Variants in MACROD2 observed in about 807,000 individuals in gnomAD.
MACROD2 encodes the protein mono-ADP ribosylhydrolase 2.
In MACROD2, 36 loss-of-function variants were observed where a neutral mutation model predicts 70.4. That is an observed-to-expected ratio of 0.51 (90% CI 0.39 to 0.68). The LOEUF is 0.68. MACROD2 is among the 30% of genes least tolerant of loss of function. The pLI is 0.00. For synonymous variants in MACROD2, 172 were observed against 178.8 expected (o/e 0.96, Z 0.30); for missense variants, 496 against 538.4 (o/e 0.92, Z 0.78).
intron 4 of MACROD2, among the ~76,000 whole-genome samples, chr20:14,669,878 C>A (rs1439347350): frequency 6.6e-6 from 1 of 151,848 alleles, no homozygotes; most frequent in Non-Finnish European, 1.5e-5. Context: ...TACTTAAGGT[C>A]AAAATTTCCA....
At chr20:14,050,561 C>A (rs6079272) in intron 2 of MACROD2, among the ~76,000 whole-genome samples, 17,033 of 152,080 alleles carry the variant, frequency 0.11, 1,126 homozygotes, top group Admixed American at 0.18. Flanking sequence ...GAACACTATT[C>A]ACAAATTTGG....
rs115841378 is a variant in MACROD2 at position 15,852,375 on chromosome 20, A to G, written c.646-10370A>G. Among the ~76,000 whole-genome samples, 1,126 of 152,324 alleles carry G rather than the reference A, an allele frequency of 7.4e-3. 14 individuals are homozygous for G. Among genetic ancestry groups the G allele is most frequent in the African/African-American group, 0.025 (1,052 of 41,570 alleles). On this transcript the variant is annotated intron_variant, in intron 8 of 17. Transcript: ENST00000684519. ...ACTGGCTTTGCAAAAAAGCCCCCCA[A>G]AATAAAGGATCCTTTTTATGCCCAT... is the stretch of plus-strand genomic sequence containing the variant.
intron 8 of MACROD2, among the ~76,000 whole-genome samples, chr20:15,547,864 C>T (rs764981677): frequency 6.6e-6 from 1 of 152,130 alleles, no homozygotes; most frequent in African/African-American, 2.4e-5. Context: ...GCCTATTAAG[C>T]GATCTTCATC....
intron 10 of MACROD2, among the ~76,000 whole-genome samples, chr20:15,931,720 G>T (rs911615880): frequency 1.3e-5 from 2 of 151,490 alleles, no homozygotes; most frequent in East Asian, 3.9e-4. Flanking sequence ...AGGGGGTCCT[G>T]TACGTATATT....
At chr20:14,424,192 TTAAC>T (rs2083909561) in intron 3 of MACROD2, among the ~76,000 whole-genome samples, 1 of 152,206 alleles carries the variant, frequency 6.6e-6, no homozygotes, top group Non-Finnish European at 1.5e-5. Flanking sequence ...TGGTGCTACT[TTAAC>T]TGTGAATTTA....
intron 5 of MACROD2, among the ~76,000 whole-genome samples, chr20:14,864,570 T>C (rs1187673439): frequency 6.6e-6 from 1 of 152,150 alleles, no homozygotes; most frequent in Non-Finnish European, 1.5e-5. Context: ...TAACTAATAC[T>C]GTGCGAACAA....
At chr20:14,390,939 G>C (rs945123057) in intron 3 of MACROD2, among the ~76,000 whole-genome samples, 2 of 152,168 alleles carry the variant, frequency 1.3e-5, no homozygotes, top group African/African-American at 4.8e-5. Flanking sequence ...TCTCACACCA[G>C]TCAGAATGGC....
intron 5 of MACROD2, among the ~76,000 whole-genome samples, chr20:15,195,466 C>G (rs1288576474): frequency 1.3e-5 from 2 of 151,566 alleles, no homozygotes; most frequent in Non-Finnish European, 2.9e-5. Context: ...TTGCAGCCAA[C>G]AAACATGAAA....
At position 14,763,537 on chromosome 20, in the gene MACROD2, C is replaced by T. The variant is rs2072044468; in HGVS notation, c.418+78578C>T. Among the ~76,000 whole-genome samples, 4 of 152,002 alleles carry T rather than the reference C, an allele frequency of 2.6e-5. No homozygotes were observed. In the South Asian group the frequency reaches 8.3e-4, roughly 32 times the overall value. On this transcript the variant is annotated intron_variant, in intron 5 of 17. Coordinates refer to ENST00000684519, the MANE Select transcript of MACROD2 (RefSeq NM_001351661.2). Reference sequence around the variant, plus strand: ...GGTGAAAAGTGATGGAAATCTGTATCAAGGAGGTGGCAATATGACTGACAG... The same window carrying T: ...GGTGAAAAGTGATGGAAATCTGTATTAAGGAGGTGGCAATATGACTGACAG...
At chr20:15,087,021 T>G (rs544266270) in intron 5 of MACROD2, among the ~76,000 whole-genome samples, 2 of 152,258 alleles carry the variant, frequency 1.3e-5, no homozygotes, top group East Asian at 3.9e-4. Flanking sequence ...ATTTTTACTC[T>G]TTGATACCAT....
intron 5 of MACROD2, among the ~76,000 whole-genome samples, chr20:15,083,785 C>T (rs1297874783): frequency 6.6e-6 from 1 of 152,084 alleles, no homozygotes; most frequent in Non-Finnish European, 1.5e-5. Flanking sequence ...AGAGGAGAGG[C>T]ATCACTGTCT....
chr20:16,005,749 G>A (rs572351544), intron 15 of MACROD2, among the ~76,000 whole-genome samples: 1 of 152,290 alleles, frequency 6.6e-6, no homozygotes, highest in South Asian at 2.1e-4. Context: ...AAGCACAGTT[G>A]TTGTTGCCTA....
intron 4 of MACROD2, among the ~76,000 whole-genome samples, chr20:14,666,268 T>G (rs1361673763): frequency 2.6e-5 from 4 of 152,168 alleles, no homozygotes; most frequent in African/African-American, 9.6e-5. Context: ...TCTCCAGATA[T>G]TTATGATACA....
intron 8 of MACROD2, among the ~76,000 whole-genome samples, chr20:15,626,891 A>G (rs1252251522): frequency 1.3e-5 from 2 of 151,736 alleles, no homozygotes; most frequent in Non-Finnish European, 2.9e-5. Context: ...TGACTGTAAT[A>G]TGTGGATAGT....
intron 4 of MACROD2, among the ~76,000 whole-genome samples, chr20:14,577,556 G>A (rs900216334): frequency 1.3e-5 from 2 of 152,046 alleles, no homozygotes; most frequent in African/African-American, 2.4e-5. Context: ...AGGTGGGAGC[G>A]ATTGTTTGAG....
At chr20:14,801,488 T>C (rs1450479546) in intron 5 of MACROD2, among the ~76,000 whole-genome samples, 2 of 152,168 alleles carry the variant, frequency 1.3e-5, no homozygotes, top group African/African-American at 4.8e-5. Context: ...TAAGACCTTC[T>C]TCTGTAATCT....
chr20:15,702,481 G>C (rs2050474452), intron 8 of MACROD2, among the ~76,000 whole-genome samples: 1 of 152,108 alleles, frequency 6.6e-6, no homozygotes, highest in African/African-American at 2.4e-5. Context: ...AGAAGAGTCT[G>C]TTCATATCCT....
chr20:14,516,886 T>C (rs905072809), intron 4 of MACROD2, among the ~76,000 whole-genome samples: 1 of 152,082 alleles, frequency 6.6e-6, no homozygotes, highest in African/African-American at 2.4e-5. Context: ...AAGATATGAA[T>C]GGACACTTCT....
intron 8 of MACROD2, among the ~76,000 whole-genome samples, chr20:15,675,138 C>G (rs1021300243): frequency 6.6e-6 from 1 of 152,212 alleles, no homozygotes; most frequent in African/African-American, 2.4e-5. Context: ...TTTATTTTTA[C>G]ATCCAAGCAT....
Sources: gnomAD v4.1 joint callset for allele counts (sites outside exome capture counted in the v4.1 genomes callset) on GRCh38, gnomAD v4.1.1 for gene constraint, MANE v1.5 for transcripts, NCBI Gene and HGNC (gene_info 2026-07-23, HGNC 2026-07-21) for gene names.